CHN1: variants seen among roughly 807,000 people sequenced by gnomAD.
CHN1 encodes N-chimaerin.
Under a neutral mutation model 59.5 loss-of-function variants are expected in CHN1, and 37 were observed. The observed-to-expected ratio is 0.62, with a 90% CI of 0.48 to 0.82. The LOEUF (loss-of-function observed/expected upper bound fraction) is 0.82, where lower values mean the gene tolerates loss of function less well. CHN1 is among the 40% of genes least tolerant of loss of function. The pLI is 0.00. For synonymous variants in CHN1, 206 were observed against 200.4 expected (o/e 1.03, Z -0.24); for missense variants, 469 against 571.0 (o/e 0.82, Z 1.82).
intron 1 of CHN1, among the ~76,000 whole-genome samples, chr2:174,990,276 A>T (rs1436494017): frequency 2.0e-4 from 24 of 120,432 alleles, no homozygotes; most frequent in Admixed American, 6.0e-4. Context: ...AGAGAGAGAG[A>T]GAGAGAGAGA....
intron 7 of CHN1, among the ~76,000 whole-genome samples, chr2:174,838,109 T>C (rs889394193): frequency 6.6e-6 from 1 of 152,200 alleles, no homozygotes; most frequent in Non-Finnish European, 1.5e-5. Flanking sequence ...TTTTTTCTTT[T>C]TTGAGATGGA....
intron 1 of CHN1, among the ~76,000 whole-genome samples, chr2:175,002,993 G>A (rs1013798433): frequency 1.3e-5 from 2 of 152,136 alleles, no homozygotes; most frequent in Non-Finnish European, 2.9e-5. Flanking sequence ...CAATCTCCTA[G>A]CATTTATCTT....
At chr2:174,894,512 C>T (rs1380517636) in intron 5 of CHN1, among the ~76,000 whole-genome samples, 1 of 152,094 alleles carries the variant, frequency 6.6e-6, no homozygotes, top group Non-Finnish European at 1.5e-5. Context: ...TGCTTGTGTA[C>T]AGTTGGTGAG....
In CHN1 at chr2:175,005,138, G is replaced by A. The variant is rs1375783183; in HGVS notation, c.-226C>T. On this transcript the variant is annotated 5_prime_UTR_variant, in exon 1 of 13. Coordinates refer to ENST00000409900, the MANE Select transcript of CHN1 (RefSeq NM_001822.7). ...GGGCGCACCGGGCCCAGGGAGCCCC[G>A]CTAGCTCTCCGCGAGCCGGCACTTG... 1.5e-6 allele frequency: 2 copies of A among 1,299,492 alleles called. No homozygotes were observed. The highest frequency in any genetic ancestry group is 2.0e-6 in the Non-Finnish European group (2 of 1,022,288). 80.5% of individuals were successfully genotyped at this position (1,299,492 alleles called of 1,614,324 possible).
intron 8 of CHN1, among the ~76,000 whole-genome samples, chr2:174,822,974 T>C (rs976995245): frequency 6.6e-6 from 1 of 152,202 alleles, no homozygotes; most frequent in Non-Finnish European, 1.5e-5. Flanking sequence ...TGGAACCTTA[T>C]TACATTTTAG....
At chr2:174,907,629 T>C (rs943643705) in intron 5 of CHN1, among the ~76,000 whole-genome samples, 4 of 150,948 alleles carry the variant, frequency 2.6e-5, no homozygotes, top group African/African-American at 7.3e-5. Flanking sequence ...TTTTTTTTTT[T>C]CTGTTTGTAA....
chr2:174,940,912 T>G (rs1429069429), intron 3 of CHN1, among the ~76,000 whole-genome samples: 2 of 152,242 alleles, frequency 1.3e-5, no homozygotes, highest in Admixed American at 1.3e-4. Flanking sequence ...CAATCATTAG[T>G]GCAAATTAGT....
chr2:174,888,951 G>A (rs951939666), intron 5 of CHN1, among the ~76,000 whole-genome samples: 4 of 152,206 alleles, frequency 2.6e-5, no homozygotes, highest in African/African-American at 7.2e-5. Flanking sequence ...AGGGAGAAGA[G>A]TGGAGTATGA....
chr2:174,951,291 TA>T lies in CHN1; in HGVS notation c.58+872del, dbSNP rs202125176. 7.4e-4 allele frequency among the ~76,000 whole-genome samples: 112 copies of T among 150,582 alleles called. 1 individual carries two copies. The highest frequency in any genetic ancestry group is 2.1e-3 in the African/African-American group (86 of 41,118). Reference sequence around the variant, plus strand: ...TAATTAGCCCAAAGTGGCAACCTATTAAAAAAAAAATTATCTGTTCTGAGAA... The same window carrying T: ...TAATTAGCCCAAAGTGGCAACCTATTAAAAAAAAATTATCTGTTCTGAGAA... On this transcript the variant is annotated intron_variant, in intron 2 of 12. Coordinates refer to ENST00000409900, the MANE Select transcript of CHN1 (RefSeq NM_001822.7).
intron 8 of CHN1, among the ~76,000 whole-genome samples, chr2:174,817,638 C>CTTT (rs958427207): frequency 3.9e-5 from 5 of 129,432 alleles, no homozygotes; most frequent in African/African-American, 5.7e-5. Context: ...ATTTTTTTTT[C>CTTT]TTTTTTTTTT....
chr2:174,966,212 G>C (rs1690585127), intron 1 of CHN1, among the ~76,000 whole-genome samples: 1 of 151,044 alleles, frequency 6.6e-6, no homozygotes, highest in Non-Finnish European at 1.5e-5. Flanking sequence ...ATTTAAAATT[G>C]TTCCAAGTTG....
rs182690891 is a variant in CHN1 at position 174,919,967 on chromosome 2, C to A, written c.115-1402G>T. ...CGTTCTTTCCTTCTCCTTCCCTCTG[C>A]CCCGATAACCACTATTCTACTTCTT... On this transcript the variant is annotated intron_variant, in intron 3 of 12. Coordinates refer to ENST00000409900, the MANE Select transcript of CHN1 (RefSeq NM_001822.7). 7.9e-5 allele frequency among the ~76,000 whole-genome samples: 12 copies of A among 152,234 alleles called. No individual in the cohort carries two copies. The East Asian group carries it at 2.3e-3, about 29-fold the overall frequency.
chr2:174,894,929 C>T (rs1688165092), intron 5 of CHN1, among the ~76,000 whole-genome samples: 1 of 152,020 alleles, frequency 6.6e-6, no homozygotes, highest in African/African-American at 2.4e-5. Context: ...CTCTGTCTCT[C>T]CCAGGACATG....
At chr2:174,862,934 G>A (rs1012836139) in intron 6 of CHN1, among the ~76,000 whole-genome samples, 1 of 152,124 alleles carries the variant, frequency 6.6e-6, no homozygotes, top group African/African-American at 2.4e-5. Context: ...ACAAATTTTG[G>A]TTGTTCAGCC....
At chr2:174,844,068 T>C (rs1050944715) in intron 7 of CHN1, among the ~76,000 whole-genome samples, 2 of 152,128 alleles carry the variant, frequency 1.3e-5, no homozygotes, top group Non-Finnish European at 2.9e-5. Context: ...TATTTTCTAA[T>C]TGATTTAGAT....
chr2:174,958,640 G>A (rs1021760586), intron 1 of CHN1, among the ~76,000 whole-genome samples: 1 of 152,106 alleles, frequency 6.6e-6, no homozygotes, highest in Non-Finnish European at 1.5e-5. Context: ...TACTTGCTCT[G>A]TGACTTTAGA....
intron 4 of CHN1, among the ~76,000 whole-genome samples, chr2:174,916,751 C>G (rs1297143802): frequency 1.3e-5 from 2 of 152,340 alleles, no homozygotes; most frequent in East Asian, 1.9e-4. Context: ...TCTTTGAGAA[C>G]TAGGTCCAAA....
At chr2:174,836,427 C>T (rs886754335) in intron 7 of CHN1, among the ~76,000 whole-genome samples, 1 of 152,184 alleles carries the variant, frequency 6.6e-6, no homozygotes, top group African/African-American at 2.4e-5. Context: ...CTTTAATAGG[C>T]TTCAGTTTCT....
rs185311983 is a variant in CHN1 at position 174,853,284 on chromosome 2, G to A, written c.550-6327C>T. Among the ~76,000 whole-genome samples the A allele has an allele frequency of 5.3e-5, 8 of 152,160 alleles. No homozygotes were observed. In the East Asian group the frequency reaches 1.5e-3, roughly 29 times the overall value. The stretch of plus-strand genomic sequence containing the variant: ...ACAACCCCAATAAAAAATGGGCAAA[G>A]GACATGAACAAACACTTCTCAAAGG... On this transcript the variant is annotated intron_variant, in intron 6 of 12. Coordinates refer to ENST00000409900, the MANE Select transcript of CHN1 (RefSeq NM_001822.7).
Sources: gnomAD v4.1 joint callset for allele counts (sites outside exome capture counted in the v4.1 genomes callset) on GRCh38, gnomAD v4.1.1 for gene constraint, MANE v1.5 for transcripts, NCBI Gene and HGNC (gene_info 2026-07-23, HGNC 2026-07-21) for gene names.